Variants in MRTFB observed in about 807,000 individuals in gnomAD.
MRTFB encodes the protein myocardin-related transcription factor B.
In MRTFB, 29 loss-of-function variants were observed where a neutral mutation model predicts 104.2. That is an observed-to-expected ratio of 0.28 (90% CI 0.21 to 0.38). MRTFB has a LOEUF of 0.38. MRTFB is among the 10% of genes least tolerant of loss of function. The probability of loss-of-function intolerance (pLI) is 1.00; values close to 1 mark genes in which losing one functional copy is unlikely to be tolerated. For missense variants in MRTFB, 1,270 were observed against 1,341.6 expected (o/e 0.95, Z 0.83); for synonymous variants, 535 against 519.5 (o/e 1.03, Z -0.41).
chr16:14,122,525 A>T (rs144814244), intron 2 of MRTFB, among the ~76,000 whole-genome samples: 199 of 152,246 alleles, frequency 1.3e-3, no homozygotes, highest in African/African-American at 4.4e-3. Flanking sequence ...ATGAGTGAGA[A>T]CATGCGGTGT....
intron 8 of MRTFB, among the ~76,000 whole-genome samples, chr16:14,226,262 TA>T (rs1371853078): frequency 3.9e-5 from 6 of 152,196 alleles, no homozygotes; most frequent in Admixed American, 1.3e-4. Flanking sequence ...TCTTGAATTT[TA>T]AAAAAGTTAG....
At chr16:14,065,857 T>C in the MRTFB span, among the ~76,000 whole-genome samples, 1 of 152,164 alleles carries the variant, frequency 6.6e-6, no homozygotes, top group Non-Finnish European at 1.5e-5. Context: ...CTCTCCCCTC[T>C]CCTTCCTGCC....
At chr16:14,146,044 G>A (rs1294208423) in intron 3 of MRTFB, among the ~76,000 whole-genome samples, 2 of 152,228 alleles carry the variant, frequency 1.3e-5, no homozygotes, top group Non-Finnish European at 2.9e-5. Context: ...TGAATTTAAG[G>A]TTTTAAGTCA....
chr16:14,131,433 C>T (rs957663220), intron 2 of MRTFB, among the ~76,000 whole-genome samples: 2 of 151,656 alleles, frequency 1.3e-5, no homozygotes, highest in Non-Finnish European at 1.5e-5. Flanking sequence ...GTACAAGCAA[C>T]CAAGGAAAAA....
chr16:14,142,662 C>G (rs376702104), intron 3 of MRTFB: 3 of 152,092 alleles, frequency 2.0e-5, no homozygotes, highest in East Asian at 1.9e-4. Context: ...ACACTTGGAC[C>G]AGTATAATGT....
At chr16:14,201,133 TTAAG>T (rs1344967150) in intron 3 of MRTFB, among the ~76,000 whole-genome samples, 5 of 152,216 alleles carry the variant, frequency 3.3e-5, no homozygotes, top group East Asian at 1.9e-4. Context: ...AGTTTTCGTA[TTAAG>T]TTTTTATTTC....
chr16:14,212,908 A>T (rs2041256067), intron 5 of MRTFB, among the ~76,000 whole-genome samples: 4 of 152,198 alleles, frequency 2.6e-5, no homozygotes, highest in Non-Finnish European at 5.9e-5. Context: ...TCATACTTGC[A>T]CGTGATAATT....
the MRTFB span, among the ~76,000 whole-genome samples, chr16:14,014,658 A>G: frequency 6.6e-6 from 1 of 152,128 alleles, no homozygotes; most frequent in Non-Finnish European, 1.5e-5. Flanking sequence ...GTTCGAGACC[A>G]GCCTGGCCAA....
chr16:14,247,784 C>T (rs1164245085), intron 12 of MRTFB: 3 of 406,220 alleles, frequency 7.4e-6, no homozygotes, highest in South Asian at 7.8e-5. Flanking sequence ...ACACCAGTGA[C>T]GTGATCATTG....
intron 2 of MRTFB, among the ~76,000 whole-genome samples, chr16:14,113,104 C>T (rs2036360197): frequency 6.6e-6 from 1 of 152,158 alleles, no homozygotes; most frequent in African/African-American, 2.4e-5. Flanking sequence ...AGTGCAATGG[C>T]GTGATCTCGG....
At chr16:14,020,393 C>T in the MRTFB span, 1 of 152,098 alleles carries the variant, frequency 6.6e-6, no homozygotes, top group Non-Finnish European at 1.5e-5. Flanking sequence ...TGGTGTTTCA[C>T]CCATTGTTGT....
At chr16:14,095,354 A>G (rs1030257881) in intron 2 of MRTFB, among the ~76,000 whole-genome samples, 3 of 152,204 alleles carry the variant, frequency 2.0e-5, no homozygotes, top group Non-Finnish European at 4.4e-5. Context: ...CCTCTGTGCT[A>G]TTAATAATGG....
At chr16:14,041,640 GT>G in the MRTFB span, among the ~76,000 whole-genome samples, 1 of 151,990 alleles carries the variant, frequency 6.6e-6, no homozygotes, top group Non-Finnish European at 1.5e-5. Flanking sequence ...ATAAATTTTA[GT>G]TTTTGCCAGG....
intron 3 of MRTFB, among the ~76,000 whole-genome samples, chr16:14,146,424 A>G (rs2038319521): frequency 6.6e-6 from 1 of 152,212 alleles, no homozygotes; most frequent in South Asian, 2.1e-4. Context: ...GAAATCTTCT[A>G]AGATTTTCCA....
In MRTFB at chr16:14,251,057, T is replaced by G. The variant is rs187272280; in HGVS notation, c.2404-805T>G. Among the ~76,000 whole-genome samples the G allele has an allele frequency of 2.6e-5, 4 of 152,166 alleles. No individual in the cohort carries two copies. The East Asian group carries it at 7.7e-4, about 29-fold the overall frequency. ...TTGGAAGTAGAGCAGTGGCTTGGGATTATTAGCTTAGTCATGGCCATTGAA... is the reference window on the plus strand; with the variant it reads ...TTGGAAGTAGAGCAGTGGCTTGGGAGTATTAGCTTAGTCATGGCCATTGAA... On this transcript the variant is annotated intron_variant, in intron 13 of 16. Transcript: ENST00000571589.
intron 3 of MRTFB, among the ~76,000 whole-genome samples, chr16:14,181,221 C>T (rs1019564470): frequency 2.0e-5 from 3 of 151,448 alleles, no homozygotes; most frequent in Admixed American, 6.6e-5. Context: ...TTTAATTAAC[C>T]GTTGGGATTT....
At chr16:14,130,343 CA>C (rs1309442109) in intron 2 of MRTFB, among the ~76,000 whole-genome samples, 1 of 152,040 alleles carries the variant, frequency 6.6e-6, no homozygotes, top group African/African-American at 2.4e-5. Flanking sequence ...GTTCTGAAAC[CA>C]TTGTTTTTGA....
chr16:14,098,304 GT>G (rs1247405013), intron 2 of MRTFB, among the ~76,000 whole-genome samples: 1 of 152,098 alleles, frequency 6.6e-6, no homozygotes, highest in Non-Finnish European at 1.5e-5. Flanking sequence ...GCTCATCGTG[GT>G]TTTAATTTGC....
At chr16:14,109,452 G>A (rs898505580) in intron 2 of MRTFB, among the ~76,000 whole-genome samples, 2 of 152,152 alleles carry the variant, frequency 1.3e-5, no homozygotes, top group African/African-American at 2.4e-5. Context: ...AAACCAAAAG[G>A]TGAGGTTTGA....
Sources: allele counts gnomAD v4.1 joint callset (sites outside exome capture counted in the v4.1 genomes callset), GRCh38; gene constraint gnomAD v4.1.1; transcripts MANE v1.5; gene names NCBI Gene and HGNC (gene_info 2026-07-23, HGNC 2026-07-21).